PTGR1: variants seen among roughly 807,000 people sequenced by gnomAD.
PTGR1 encodes the protein prostaglandin reductase 1.
PTGR1 carries 23 observed loss-of-function variants against 37.7 expected under a neutral mutation model. The ratio of observed to expected loss-of-function variants is 0.61; its 90% CI spans 0.44 to 0.86. PTGR1 has a LOEUF of 0.86. Among genes scored for constraint, PTGR1 ranks in the 40% least tolerant of loss-of-function variants. The pLI, the probability that PTGR1 is intolerant of heterozygous loss-of-function variation, is 0.00. For synonymous variants in PTGR1, 134 were observed against 140.0 expected (o/e 0.96, Z 0.30); for missense variants, 351 against 394.3 (o/e 0.89, Z 0.93).
At chr9:111,575,797 G>C (rs1054336030) in intron 7 of PTGR1, among the ~76,000 whole-genome samples, 10 of 151,902 alleles carry the variant, frequency 6.6e-5, no homozygotes, top group Non-Finnish European at 1.3e-4. Flanking sequence ...AAAACTCTTA[G>C]AAGAAAACAC....
At chr9:111,560,069 C>T (rs1397997621), downstream of PTGR1, among the ~76,000 whole-genome samples, 2 of 152,052 alleles carry the variant, frequency 1.3e-5, no homozygotes, top group African/African-American at 4.8e-5. Context: ...GGCATGGTGG[C>T]TTATGCCTCC....
At chr9:111,552,659 G>T (rs1828003908) in intron 9 of PTGR1, among the ~76,000 whole-genome samples, 1 of 152,152 alleles carries the variant, frequency 6.6e-6, no homozygotes, top group Admixed American at 6.5e-5. Context: ...AATCGACATT[G>T]TAAATTTGGA....
intron 7 of PTGR1, 60 bp from the exon 8 acceptor site, chr9:111,574,902 C>G (rs1317894952): frequency 7.7e-7 from 1 of 1,306,498 alleles, no homozygotes; most frequent in East Asian, 2.4e-5. Context: ...TCAGGAGAAT[C>G]ATTAAGTCAC....
intron 9 of PTGR1, among the ~76,000 whole-genome samples, chr9:111,550,454 C>T (rs2132277503): frequency 6.6e-6 from 1 of 152,278 alleles, no homozygotes; most frequent in East Asian, 1.9e-4. Flanking sequence ...TCCACAGCTG[C>T]CTGCCATGGA....
chr9:111,578,998 C>T, intron 6 of PTGR1, 47 bp from the exon 7 acceptor site: 1 of 1,534,358 alleles, frequency 6.5e-7, no homozygotes, highest in Non-Finnish European at 8.7e-7. Context: ...AAGTCACAAG[C>T]ATGGACCAAC....
intron 4 of PTGR1, among the ~76,000 whole-genome samples, chr9:111,588,743 C>T (rs1829518298): frequency 6.6e-6 from 1 of 151,926 alleles, no homozygotes; most frequent in East Asian, 1.9e-4. Context: ...CCAGGCTAGT[C>T]TTGAACTCCT....
At position 111,570,090 on chromosome 9, in the gene PTGR1, C is replaced by T. The variant is rs1157267969; in HGVS notation, c.879+1G>A. 6.2e-7 allele frequency: 1 copy of T among 1,613,972 alleles called. No homozygotes were observed. The highest frequency in any genetic ancestry group is 1.3e-5 in the African/African-American group (1 of 74,914). ...GAAGGGGTGGCTCCGGAGCTCCTTA[C>T]CTCTAAGACCCATTTCAGCAAGTCC... On this transcript the variant is annotated splice_donor_variant, in intron 9 of 9. Transcript: ENST00000407693. LOFTEE classifies it high-confidence loss of function.
chr9:111,566,182 G>A (rs537741350), intron 9 of PTGR1, among the ~76,000 whole-genome samples: 3 of 152,214 alleles, frequency 2.0e-5, no homozygotes, highest in African/African-American at 7.2e-5. Flanking sequence ...CAGCCTGGAC[G>A]ACAGAGTGAG....
intron 9 of PTGR1, among the ~76,000 whole-genome samples, chr9:111,568,475 A>C (rs1306442111): frequency 1.3e-5 from 2 of 152,196 alleles, no homozygotes; most frequent in Non-Finnish European, 2.9e-5. Context: ...GATGTTTATC[A>C]AGACAATATG....
Position 111,586,109 on chromosome 9 carries a change from G to A in PTGR1, c.266C>T (p.Pro89Leu), listed in dbSNP as rs752748278. ...AGAAATGGAGTGCGTTGTCCAGCCTGGAGAAGCCAGTACAATAGTTCCTTT... is the reference window on the plus strand; with the variant it reads ...AGAAATGGAGTGCGTTGTCCAGCCTAGAGAAGCCAGTACAATAGTTCCTTT... ...LPKGTIVLAS[P>L]GWTTHSISDG... Residue 89 changes from proline (P) to leucine (L), a missense_variant, in exon 5 of 10, where the codon CCA (proline) becomes CTA (leucine). Coordinates refer to ENST00000407693, the MANE Select transcript of PTGR1 (RefSeq NM_001146108.2). 1 of 1,614,148 alleles carries A rather than the reference G, an allele frequency of 6.2e-7. No homozygotes were observed. Among genetic ancestry groups the A allele is most frequent in the Admixed American group, 1.7e-5 (1 of 60,022 alleles).
At chr9:111,553,034 A>C (rs1235015821) in intron 9 of PTGR1, among the ~76,000 whole-genome samples, 8 of 152,184 alleles carry the variant, frequency 5.3e-5, no homozygotes, top group Admixed American at 5.2e-4. Flanking sequence ...AGACCCTTTT[A>C]AAAGTTGTTT....
intron 9 of PTGR1, among the ~76,000 whole-genome samples, chr9:111,550,709 TC>T (rs2132278324): frequency 6.6e-6 from 1 of 152,366 alleles, no homozygotes; most frequent in South Asian, 2.1e-4. Flanking sequence ...TTCAACTTTA[TC>T]TTCCAGCTCT....
chr9:111,556,062 CAG>C (rs1341256967), intron 9 of PTGR1, among the ~76,000 whole-genome samples: 2 of 152,228 alleles, frequency 1.3e-5, no homozygotes, highest in East Asian at 1.9e-4. Context: ...CAAGATAGAA[CAG>C]GGGTACAGAC....
At chr9:111,586,795 C>A (rs1829443072) in intron 4 of PTGR1, among the ~76,000 whole-genome samples, 1 of 147,776 alleles carries the variant, frequency 6.8e-6, no homozygotes, top group South Asian at 2.2e-4. Context: ...CTCTCTCTCT[C>A]TCTCTCTCTA....
chr9:111,598,527 C>T (rs897577504), intron 1 of PTGR1, among the ~76,000 whole-genome samples: 2 of 152,156 alleles, frequency 1.3e-5, no homozygotes, highest in Admixed American at 1.3e-4. Context: ...CGGAGTCTCG[C>T]TCTGTCGCCC....
chr9:111,587,601 G>A (rs1382533700), intron 4 of PTGR1, among the ~76,000 whole-genome samples: 1 of 152,080 alleles, frequency 6.6e-6, no homozygotes, highest in African/African-American at 2.4e-5. Context: ...ACAGGCGCGT[G>A]CCACTACGCC....
At chr9:111,595,203 T>C (rs893578790) in intron 2 of PTGR1, among the ~76,000 whole-genome samples, 2 of 152,094 alleles carry the variant, frequency 1.3e-5, no homozygotes, top group African/African-American at 4.8e-5. Context: ...GCTTCAGGAA[T>C]GTCTTCCCAT....
intron 9 of PTGR1, among the ~76,000 whole-genome samples, chr9:111,567,460 C>T (rs996718369): frequency 2.0e-5 from 3 of 152,146 alleles, no homozygotes; most frequent in African/African-American, 4.8e-5. Flanking sequence ...GCTGGGATTA[C>T]AAGTGTGAAC....
chr9:111,566,779 G>C lies in PTGR1; in HGVS notation c.879+3312C>G, dbSNP rs551996456. Among the ~76,000 whole-genome samples, 4 of 152,262 alleles carry C rather than the reference G, an allele frequency of 2.6e-5. 1 individual carries two copies. The South Asian group carries it at 8.3e-4, about 32-fold the overall frequency. ...AAATGTATGAATATGCTGTCTTCAT[G>C]GAGGTTACATCCTCAAGAAGGGAGA... On this transcript the variant is annotated intron_variant, in intron 9 of 9. Transcript: ENST00000407693.
Sources: gnomAD v4.1 joint callset for allele counts (sites outside exome capture counted in the v4.1 genomes callset) on GRCh38, gnomAD v4.1.1 for gene constraint, MANE v1.5 for transcripts, NCBI Gene and HGNC (gene_info 2026-07-23, HGNC 2026-07-21) for gene names.